Variants in FBXL2 observed in about 807,000 individuals in gnomAD.
The protein encoded by FBXL2 is F-box and leucine rich repeat protein 2.
A neutral mutation model predicts 69.2 loss-of-function variants in FBXL2; 38 were observed. The observed-to-expected ratio is 0.55, with a 90% confidence interval of 0.42 to 0.72. FBXL2 has a LOEUF of 0.72. FBXL2 is among the 30% of genes least tolerant of loss of function. The pLI, the probability that FBXL2 is intolerant of heterozygous loss-of-function variation, is 0.00. For synonymous variants in FBXL2, 192 were observed against 201.3 expected (o/e 0.95, Z 0.39); for missense variants, 354 against 520.3 (o/e 0.68, Z 3.11).
chr3:33,385,664 A>AG lies in FBXL2; in HGVS notation c.*57dup. ...GGCATCCTTTCCTCTAGAAGACCTG[A>AG]GTCTTCCTGACCGACTCCACCATCA... On this transcript the variant is annotated 3_prime_UTR_variant, in exon 15 of 15. Transcript: ENST00000484457. 2.9e-6 allele frequency: 4 copies of AG among 1,386,616 alleles called. No individual in the cohort carries two copies. The highest frequency in any genetic ancestry group is 3.1e-6 in the Non-Finnish European group (3 of 974,428). 85.9% of individuals were successfully genotyped at this position (1,386,616 alleles called of 1,614,324 possible).
At chr3:33,285,396 C>T (rs558421953) in intron 1 of FBXL2, among the ~76,000 whole-genome samples, 3 of 152,202 alleles carry the variant, frequency 2.0e-5, no homozygotes, top group Admixed American at 2.0e-4. Flanking sequence ...TGTAGAGTTT[C>T]TGCCAAGAGA....
At chr3:33,327,494 C>A (rs1325462839) in intron 2 of FBXL2, among the ~76,000 whole-genome samples, 4 of 152,102 alleles carry the variant, frequency 2.6e-5, no homozygotes, top group Non-Finnish European at 5.9e-5. Context: ...AATTTTTATT[C>A]TGTTCTGGAA....
At chr3:33,294,493 C>T (rs979908074) in intron 1 of FBXL2, among the ~76,000 whole-genome samples, 1 of 151,960 alleles carries the variant, frequency 6.6e-6, no homozygotes, top group Admixed American at 6.6e-5. Context: ...ATATGGGATG[C>T]AATGAAAGCA....
chr3:33,372,943 G>T, intron 5 of FBXL2, 149 bp from the exon 6 acceptor site: 2 of 709,352 alleles, frequency 2.8e-6, no homozygotes, highest in Non-Finnish European at 5.1e-6. Context: ...TCTATCATCA[G>T]AATCTGCACT....
Position 33,375,250 on chromosome 3 carries a change from T to A in FBXL2, c.658-38T>A, listed in dbSNP as rs2154049553. 2.5e-6 allele frequency: 4 copies of A among 1,596,250 alleles called. No homozygotes were observed. The East Asian group carries it at 9.0e-5, about 36-fold the overall frequency. ...GCTGCTCCCGTTTTGGTATTGCTGG[T>A]GTCCTCTGACTTTTCTTTCTGTGCT... On this transcript the variant is annotated intron_variant, in intron 9 of 14. Transcript: ENST00000484457.
chr3:33,331,206 C>T (rs1317143778), intron 2 of FBXL2, among the ~76,000 whole-genome samples: 2 of 151,810 alleles, frequency 1.3e-5, no homozygotes, highest in African/African-American at 4.8e-5. Flanking sequence ...GATTCTGTAA[C>T]TTTGGAATGG....
intron 12 of FBXL2, chr3:33,393,231 C>A: frequency 7.2e-7 from 1 of 1,380,718 alleles, no homozygotes; most frequent in South Asian, 1.6e-5. Flanking sequence ...AAAGAGGTCA[C>A]AGAATTTTTC....
At chr3:33,363,321 G>A (rs533208430) in intron 4 of FBXL2, among the ~76,000 whole-genome samples, 2 of 152,300 alleles carry the variant, frequency 1.3e-5, no homozygotes, top group South Asian at 4.1e-4. Context: ...GATTACAGGC[G>A]TGAGCCACTG....
At chr3:33,312,161 A>G (rs1337047488) in intron 2 of FBXL2, among the ~76,000 whole-genome samples, 1 of 152,040 alleles carries the variant, frequency 6.6e-6, no homozygotes, top group Non-Finnish European at 1.5e-5. Flanking sequence ...AGCTCAAACC[A>G]TCCACCTGCC....
At chr3:33,288,930 A>G (rs953221726) in intron 1 of FBXL2, among the ~76,000 whole-genome samples, 8 of 152,180 alleles carry the variant, frequency 5.3e-5, no homozygotes, top group African/African-American at 1.9e-4. Context: ...GCAGTAATCC[A>G]TAGGATTAGC....
At chr3:33,412,509 G>A in the FBXL2 span, among the ~76,000 whole-genome samples, 2 of 151,746 alleles carry the variant, frequency 1.3e-5, no homozygotes, top group East Asian at 3.9e-4. Context: ...CTTGAAGACG[G>A]GAGGTAGAGG....
intron 10 of FBXL2, 125 bp from the exon 11 acceptor site, chr3:33,377,148 G>A (rs1402852286): frequency 1.1e-6 from 1 of 876,266 alleles, no homozygotes; most frequent in Non-Finnish European, 1.9e-6. Flanking sequence ...CATTCCCTAA[G>A]GGCTGTTAAC....
chr3:33,412,718 G>C, the FBXL2 span: 1 of 1,588,192 alleles, frequency 6.3e-7, no homozygotes, highest in Non-Finnish European at 8.6e-7. Flanking sequence ...ATCACTGCCT[G>C]TACCTAAATC....
chr3:33,347,052 T>G (rs2040495034), intron 2 of FBXL2, among the ~76,000 whole-genome samples: 2 of 152,200 alleles, frequency 1.3e-5, no homozygotes, highest in African/African-American at 4.8e-5. Context: ...ATACTAGGTC[T>G]TATTCGTTCT....
At chr3:33,373,205 G>A (rs375287754) in intron 6 of FBXL2, 45 bp downstream of exon 6, 10 of 1,610,688 alleles carry the variant, frequency 6.2e-6, no homozygotes, top group Non-Finnish European at 8.5e-6. Context: ...CACGGGGAGA[G>A]AGAAGGGAGA....
In FBXL2 at chr3:33,332,169, G is replaced by A. The variant is rs191095323; in HGVS notation, c.66-26798G>A. Among the ~76,000 whole-genome samples, 653 of 152,260 alleles carry A rather than the reference G, an allele frequency of 4.3e-3. 6 individuals are homozygous for A. The highest frequency in any genetic ancestry group is 6.9e-3 in the Non-Finnish European group (471 of 68,010). ...AAAGTCCTAAATTAATCTGCAAGGT[G>A]AATAAGATTACCCAAAAGGGTCGGC... On this transcript the variant is annotated intron_variant, in intron 2 of 14. Transcript: ENST00000484457.
chr3:33,378,009 G>A (rs2042755605), intron 11 of FBXL2, 94 bp from the exon 12 acceptor site: 1 of 1,183,326 alleles, frequency 8.5e-7, no homozygotes, highest in Non-Finnish European at 1.3e-6. Context: ...AGAGAACAAG[G>A]ACACTGGGCC....
intron 1 of FBXL2, among the ~76,000 whole-genome samples, chr3:33,294,550 G>C (rs972895767): frequency 1.3e-5 from 2 of 152,140 alleles, no homozygotes; most frequent in Non-Finnish European, 2.9e-5. Flanking sequence ...ACATTAAAAA[G>C]AAGAAAGGCC....
At chr3:33,397,670 A>T (rs909751135) in intron 12 of FBXL2, 1 of 152,224 alleles carries the variant, frequency 6.6e-6, no homozygotes, top group African/African-American at 2.4e-5. Flanking sequence ...TATAACATAA[A>T]CAACTCTGTC....
Sources: gnomAD v4.1 joint callset for allele counts (sites outside exome capture counted in the v4.1 genomes callset) on GRCh38, gnomAD v4.1.1 for gene constraint, MANE v1.5 for transcripts, NCBI Gene and HGNC (gene_info 2026-07-23, HGNC 2026-07-21) for gene names.